Variants in EIF3J observed in about 807,000 individuals in gnomAD.
EIF3J encodes the protein eukaryotic translation initiation factor 3, subunit 1 (alpha, 35kD).
EIF3J carries 15 observed loss-of-function variants against 39.0 expected under a neutral mutation model. That is an observed-to-expected ratio of 0.38 (90% CI 0.26 to 0.59). The LOEUF (loss-of-function observed/expected upper bound fraction) is 0.59, where lower values mean the gene tolerates loss of function less well. Ranked by LOEUF, EIF3J falls within the 20% of genes least tolerant of loss-of-function variation. The pLI is 0.60. For missense variants in EIF3J, 226 were observed against 308.6 expected (o/e 0.73, Z 2.00); for synonymous variants, 98 against 112.9 (o/e 0.87, Z 0.84).
chr15:44,547,440 C>CTTTT (rs986408245), intron 2 of EIF3J, among the ~76,000 whole-genome samples: 70 of 92,516 alleles, frequency 7.6e-4, no homozygotes, highest in East Asian at 1.1e-3. Flanking sequence ...GGCCTTGATT[C>CTTTT]TTTTTTTTTT....
At chr15:44,550,786 A>G (rs2082092439) in intron 2 of EIF3J, 90 bp from the exon 3 acceptor site, 2 of 917,436 alleles carry the variant, frequency 2.2e-6, no homozygotes, top group African/African-American at 1.7e-5. Flanking sequence ...AATACCAACA[A>G]ACATTTCTCT....
chr15:44,551,593 T>C (rs2082099576), intron 4 of EIF3J, 71 bp downstream of exon 4: 1 of 1,190,146 alleles, frequency 8.4e-7, no homozygotes, highest in Non-Finnish European at 1.2e-6. Context: ...GCTGCAAATA[T>C]TACCTAGGAA....
chr15:44,546,432 A>C (rs1291771364), intron 2 of EIF3J, among the ~76,000 whole-genome samples: 1 of 152,206 alleles, frequency 6.6e-6, no homozygotes, highest in African/African-American at 2.4e-5. Context: ...ATTTTTATTA[A>C]GAACCAAGGC....
chr15:44,538,792 T>G (rs2081983221), intron 2 of EIF3J, among the ~76,000 whole-genome samples: 1 of 152,258 alleles, frequency 6.6e-6, no homozygotes, highest in South Asian at 2.1e-4. Flanking sequence ...TTTTCAGTTT[T>G]GAGCCTTGGG....
chr15:44,560,228 G>C (rs554501486), intron 6 of EIF3J, 21 bp from the exon 7 acceptor site: 1 of 1,591,864 alleles, frequency 6.3e-7, no homozygotes, highest in Non-Finnish European at 8.5e-7. Context: ...AAGTTTAATG[G>C]TATGCCCTTT....
chr15:44,559,255 C>G (rs78031716), intron 6 of EIF3J: 5 of 112,818 alleles, frequency 4.4e-5, no homozygotes, highest in Non-Finnish European at 9.7e-5. Context: ...AAAAAAAAAA[C>G]ACAAAAATCA....
chr15:44,546,225 T>A (rs964642725), intron 2 of EIF3J, among the ~76,000 whole-genome samples: 2 of 152,252 alleles, frequency 1.3e-5, no homozygotes, highest in Non-Finnish European at 2.9e-5. Context: ...AACTCTAGTA[T>A]CACAGTTACT....
intron 6 of EIF3J, chr15:44,559,180 C>T (rs2082169341): frequency 1.3e-5 from 2 of 150,206 alleles, no homozygotes; most frequent in South Asian, 4.2e-4. Context: ...TGGTAGATCA[C>T]CTGAGGTCAG....
chr15:44,545,740 A>G (rs143303257), intron 2 of EIF3J, among the ~76,000 whole-genome samples: 1 of 152,342 alleles, frequency 6.6e-6, no homozygotes, highest in East Asian at 1.9e-4. Context: ...AATATATAAC[A>G]TTGTTATTAG....
At chr15:44,559,655 C>T (rs1264147818) in intron 6 of EIF3J, among the ~76,000 whole-genome samples, 3 of 151,032 alleles carry the variant, frequency 2.0e-5, no homozygotes, top group African/African-American at 4.9e-5. Flanking sequence ...TGCAGTGAGC[C>T]GAGATCGCGT....
Position 44,557,652 on chromosome 15 carries a change from TA to T in EIF3J, c.571+4del. On this transcript the variant is annotated splice_donor_region_variant and intron_variant, in intron 6 of 7. Transcript: ENST00000261868. ...TAGTTCGAGATGTGTGTATTTCATG[TA>T]AGTAATTCTAATTTCTAGCCCCTCT... 6.9e-7 allele frequency: 1 copy of T among 1,459,722 alleles called. No homozygotes were observed. The highest frequency in any genetic ancestry group is 1.6e-5 in the South Asian group (1 of 63,518). The allele number at this position is 1,459,722 out of a possible 1,614,324, so 90.4% of individuals were successfully genotyped here.
At chr15:44,551,946 C>G (rs1289632396) in intron 4 of EIF3J, among the ~76,000 whole-genome samples, 2 of 151,924 alleles carry the variant, frequency 1.3e-5, no homozygotes, top group Non-Finnish European at 2.9e-5. Context: ...TCCCCTGCCT[C>G]AGCCTCCTGA....
At chr15:44,550,992 T>G (rs1029902423) in intron 3 of EIF3J, 62 bp downstream of exon 3, 2 of 1,555,224 alleles carry the variant, frequency 1.3e-6, no homozygotes, top group African/African-American at 2.8e-5. Flanking sequence ...GTGACTTGTA[T>G]TAAGACAAAT....
rs771721649 is a variant in EIF3J, at chr15:44,537,165, CCT to C, written c.-26_-25del. ...CCGTGCTAACTCCTCGCTAGCTCTC[CCT>C]CTCACACACGCTCACACCCGGCTCG... is the stretch of plus-strand genomic sequence containing the variant. On this transcript the variant is annotated 5_prime_UTR_variant, in exon 1 of 8. Coordinates refer to ENST00000261868, the MANE Select transcript of EIF3J (RefSeq NM_003758.4). The C allele has an allele frequency of 6.2e-7, 1 of 1,613,174 alleles. No homozygotes were observed. The highest frequency in any genetic ancestry group is 8.5e-7 in the Non-Finnish European group (1 of 1,179,556).
At chr15:44,544,101 T>TTA (rs571731578) in intron 2 of EIF3J, among the ~76,000 whole-genome samples, 3 of 147,830 alleles carry the variant, frequency 2.0e-5, no homozygotes, top group African/African-American at 7.4e-5. Context: ...TTCTTTTCTT[T>TTA]TTTTTTTTTT....
rs755437622 is a variant in EIF3J, at chr15:44,557,524, A to G, written c.445A>G (p.Asn149Asp). ...TGCAGTTTATGGAATAGATGCTATGAACCCATCTTCAAGAGATGACTTTAC... is the reference window on the plus strand; with the variant it reads ...TGCAGTTTATGGAATAGATGCTATGGACCCATCTTCAAGAGATGACTTTAC... ...NNAVYGIDAM[N>D]PSSRDDFTEF... is the part of the protein sequence containing the mutation. The change falls in exon 6 of 8, where the codon AAC becomes GAC. Residue 149 changes from asparagine to aspartate, a missense_variant. Asn to Asp is a conservative substitution (Grantham distance 23). Around this residue, in one of 2 missense-constraint regions of EIF3J, gnomAD observed 83 missense variants for 152.6 expected, o/e 0.54. Coordinates refer to ENST00000261868, the MANE Select transcript of EIF3J (RefSeq NM_003758.4). The G allele has an allele frequency of 6.4e-7, 1 of 1,553,474 alleles. No homozygotes were observed. The highest frequency in any genetic ancestry group is 8.7e-7 in the Non-Finnish European group (1 of 1,154,612).
At position 44,546,277 on chromosome 15, in the gene EIF3J, G is replaced by A. The variant is rs145499990; in HGVS notation, c.148-4599G>A. 9.2e-5 allele frequency among the ~76,000 whole-genome samples: 14 copies of A among 152,292 alleles called. No homozygotes were observed. In the East Asian group the frequency reaches 2.7e-3, roughly 29 times the overall value. ...GGTTTGCTTTCAATCTGTTAAAACT[G>A]CGAGCTGTGGGTTAAATTGCTGAAG... is the stretch of plus-strand genomic sequence containing the variant. On this transcript the variant is annotated intron_variant, in intron 2 of 7. Coordinates refer to ENST00000261868, the MANE Select transcript of EIF3J (RefSeq NM_003758.4).
At chr15:44,554,438 C>A in intron 4 of EIF3J, 115 bp from the exon 5 acceptor site, 3 of 390,852 alleles carry the variant, frequency 7.7e-6, no homozygotes, top group South Asian at 6.1e-5. Flanking sequence ...CAGTAATTAC[C>A]AGTGTTCACT....
intron 2 of EIF3J, among the ~76,000 whole-genome samples, chr15:44,546,855 C>T (rs1344546340): frequency 9.6e-6 from 1 of 104,626 alleles, no homozygotes; most frequent in Non-Finnish European, 1.7e-5. Flanking sequence ...GAGACAGAGT[C>T]TCTGTTGCCT....
Sources: gnomAD v4.1 joint callset for allele counts (sites outside exome capture counted in the v4.1 genomes callset) on GRCh38, gnomAD v4.1.1 for gene constraint, gnomAD v4.1.1 regional missense constraint, MANE v1.5 for transcripts, NCBI Gene and HGNC (gene_info 2026-07-23, HGNC 2026-07-21) for gene names.